A1CF: variants seen among roughly 807,000 people sequenced by gnomAD.
The protein encoded by A1CF is APOBEC1 complementation factor.
A1CF carries 48 observed loss-of-function variants against 68.9 expected under a neutral mutation model. The ratio of observed to expected loss-of-function variants is 0.70; its 90% CI spans 0.55 to 0.89. The LOEUF (loss-of-function observed/expected upper bound fraction) is 0.89. A1CF is among the 40% of genes least tolerant of loss of function. The pLI, the probability that A1CF is intolerant of heterozygous loss-of-function variation, is 0.00. For synonymous variants in A1CF, 272 were observed against 260.4 expected, an observed-to-expected ratio of 1.04 and a Z score of -0.43; for missense variants, 653 against 718.9, an observed-to-expected ratio of 0.91 and a Z score of 1.05.
At chr10:50,858,950 T>C (rs1186146987) in intron 3 of A1CF, among the ~76,000 whole-genome samples, 2 of 152,064 alleles carry the variant, frequency 1.3e-5, no homozygotes, top group African/African-American at 4.8e-5. Context: ...CCATGATTTA[T>C]AAAATTAATT....
rs149639156 is a variant in A1CF, at chr10:50,821,701, C to T, written c.770-1052G>A. Among the ~76,000 whole-genome samples the T allele has an allele frequency of 3.8e-4, 58 of 152,040 alleles. No homozygotes were observed. In the East Asian group the frequency reaches 9.9e-3, roughly 26 times the overall value. On this transcript the variant is annotated intron_variant, in intron 7 of 12. Coordinates refer to ENST00000373997, the MANE Select transcript of A1CF (RefSeq NM_014576.4). ...CAGGCATGCATCACCATGTGCCTGG[C>T]TAATTTTGTATTTTTAGTAGAGAAG...
chr10:50,841,758 C>T, intron 5 of A1CF, 104 bp downstream of exon 5: 2 of 1,396,658 alleles, frequency 1.4e-6, no homozygotes, highest in Middle Eastern at 2.0e-4. Flanking sequence ...TCATTTCTGG[C>T]TTGGCTTTTT....
chr10:50,858,389 A>T (rs958765389), intron 3 of A1CF, among the ~76,000 whole-genome samples: 7 of 152,144 alleles, frequency 4.6e-5, no homozygotes, highest in African/African-American at 1.7e-4. Context: ...ATTATTTTTC[A>T]TAAATTCTGC....
chr10:50,817,716 CAA>C (rs1474801365), intron 8 of A1CF, among the ~76,000 whole-genome samples: 3 of 152,160 alleles, frequency 2.0e-5, no homozygotes, highest in Non-Finnish European at 2.9e-5. Context: ...ACTTCCATAT[CAA>C]GAGATGTTTT....
At chr10:50,831,751 G>A (rs1326664176) in intron 6 of A1CF, among the ~76,000 whole-genome samples, 1 of 151,884 alleles carries the variant, frequency 6.6e-6, no homozygotes, top group Non-Finnish European at 1.5e-5. Context: ...CAAAAACAGG[G>A]CAATGGATTT....
chr10:50,837,474 G>C (rs995620129), intron 5 of A1CF, among the ~76,000 whole-genome samples: 2 of 152,140 alleles, frequency 1.3e-5, no homozygotes, highest in East Asian at 3.8e-4. Flanking sequence ...ATAAAAGTGA[G>C]CCCTAGAATT....
At chr10:50,821,349 T>G (rs1341484928) in intron 7 of A1CF, among the ~76,000 whole-genome samples, 1 of 152,188 alleles carries the variant, frequency 6.6e-6, no homozygotes, top group African/African-American at 2.4e-5. Context: ...TAATGTCTCT[T>G]ACAGAAACAC....
In A1CF at chr10:50,806,672, C is replaced by A. The variant is rs1399837240; in HGVS notation, c.*57G>T. 1.2e-6 allele frequency: 1 copy of A among 862,288 alleles called. No individual in the cohort carries two copies. The highest frequency in any genetic ancestry group is 1.8e-5 in the African/African-American group (1 of 55,878). 53.4% of individuals were successfully genotyped at this position (862,288 alleles called of 1,614,324 possible). Reference sequence around the variant, plus strand: ...TGGGGACCGAGTTAGAGGTTTATTTCTTTTTTTTTTTTAATAGAGTTTTGT... The same window carrying A: ...TGGGGACCGAGTTAGAGGTTTATTTATTTTTTTTTTTTAATAGAGTTTTGT... On this transcript the variant is annotated 3_prime_UTR_variant, in exon 13 of 13. Transcript: ENST00000373997.
chr10:50,811,212 G>T, intron 10 of A1CF, 36 bp from the exon 11 acceptor site: 3 of 1,573,194 alleles, frequency 1.9e-6, no homozygotes, highest in South Asian at 2.3e-5. Context: ...CCCCTCAAAT[G>T]ACACATTCAC....
intron 1 of A1CF, among the ~76,000 whole-genome samples, chr10:50,869,783 A>C (rs1841163874): frequency 6.6e-6 from 1 of 152,062 alleles, no homozygotes; most frequent in Admixed American, 6.6e-5. Context: ...ATTAATTTTT[A>C]TATTCAAATA....
chr10:50,836,514 A>T (rs1470059430), intron 5 of A1CF, among the ~76,000 whole-genome samples: 2 of 152,172 alleles, frequency 1.3e-5, no homozygotes, highest in African/African-American at 4.8e-5. Context: ...CAAAAAAGTT[A>T]TCTGAAGCTG....
intron 5 of A1CF, 52 bp downstream of exon 5, chr10:50,841,810 G>A (rs758308278): frequency 9.4e-6 from 15 of 1,596,254 alleles, no homozygotes; most frequent in Middle Eastern, 1.7e-4. Flanking sequence ...TAGAAAAACA[G>A]ACACAGGTGC....
rs1429979554 is a variant in A1CF at position 50,804,324 on chromosome 10, C to T, written c.*2405G>A. ...TTTATCCAGAATAATGATTTTTTCT[C>T]ATAAAAAGATTCATGTATTAACTAA... is the stretch of plus-strand genomic sequence containing the variant. On this transcript the variant is annotated 3_prime_UTR_variant, in exon 13 of 13. Transcript: ENST00000373997. 3 of 151,728 alleles carry T rather than the reference C, an allele frequency of 2.0e-5. No homozygotes were observed. The highest frequency in any genetic ancestry group is 4.4e-5 in the Non-Finnish European group (3 of 67,866). The allele number at this position is 151,728 out of a possible 1,614,324, so 9.4% of individuals were successfully genotyped here. A position where few individuals can be genotyped will look rare whatever the true frequency, so the allele number is the denominator to read the frequency against.
At chr10:50,866,528 GT>G (rs1171855422) in intron 1 of A1CF, among the ~76,000 whole-genome samples, 1 of 152,220 alleles carries the variant, frequency 6.6e-6, no homozygotes, top group Non-Finnish European at 1.5e-5. Context: ...AGTGGGTCCA[GT>G]TTCAGGGAAG....
At chr10:50,824,264 C>T (rs1254231381) in intron 7 of A1CF, 1 of 152,098 alleles carries the variant, frequency 6.6e-6, no homozygotes, top group African/African-American at 2.4e-5. Flanking sequence ...GCACACATGT[C>T]TCTTTAATAT....
intron 3 of A1CF, 110 bp from the exon 4 acceptor site, chr10:50,844,232 T>A: frequency 6.8e-7 from 1 of 1,462,316 alleles, no homozygotes; most frequent in Non-Finnish European, 9.3e-7. Flanking sequence ...TATTTATCAT[T>A]GACAAGTAAT....
At chr10:50,828,652 G>C (rs904575154) in intron 6 of A1CF, among the ~76,000 whole-genome samples, 1 of 152,056 alleles carries the variant, frequency 6.6e-6, no homozygotes, top group Non-Finnish European at 1.5e-5. Flanking sequence ...GGAAAATTAT[G>C]GATTTAGGGC....
At chr10:50,839,754 G>T (rs1839685421) in intron 5 of A1CF, among the ~76,000 whole-genome samples, 1 of 152,190 alleles carries the variant, frequency 6.6e-6, no homozygotes, top group Non-Finnish European at 1.5e-5. Flanking sequence ...TTGTTTGTTT[G>T]TTTGTTTTTT....
chr10:50,869,394 T>G (rs950909436), intron 1 of A1CF, among the ~76,000 whole-genome samples: 10 of 152,168 alleles, frequency 6.6e-5, no homozygotes, highest in Admixed American at 1.3e-4. Context: ...ATTTTCTCAT[T>G]GGTTATTCTC....
Sources: allele counts gnomAD v4.1 joint callset (sites outside exome capture counted in the v4.1 genomes callset), GRCh38; gene constraint gnomAD v4.1.1; transcripts MANE v1.5; gene names NCBI Gene and HGNC (gene_info 2026-07-23, HGNC 2026-07-21).